Variants in FER observed in about 807,000 individuals in gnomAD.
FER encodes tyrosine-protein kinase Fer.
Under a neutral mutation model 111.0 loss-of-function variants are expected in FER, and 63 were observed. The observed-to-expected ratio is 0.57, with a 90% CI of 0.46 to 0.70. FER has a LOEUF of 0.70. Among genes scored for constraint, FER ranks in the 30% least tolerant of loss-of-function variants. The probability of loss-of-function intolerance (pLI) is 0.00; values close to 1 mark genes in which losing one functional copy is unlikely to be tolerated. For synonymous variants in FER, 327 were observed against 313.9 expected, an observed-to-expected ratio of 1.04 and a Z score of -0.44; for missense variants, 914 against 954.0, an observed-to-expected ratio of 0.96 and a Z score of 0.55.
intron 13 of FER, among the ~76,000 whole-genome samples, chr5:109,015,806 T>C (rs1301272023): frequency 2.0e-5 from 3 of 152,090 alleles, no homozygotes; most frequent in Non-Finnish European, 2.9e-5. Flanking sequence ...AATGAGTTGC[T>C]GTCATTCAGA....
At chr5:108,922,129 G>A (rs1263646509) in intron 10 of FER, among the ~76,000 whole-genome samples, 3 of 152,178 alleles carry the variant, frequency 2.0e-5, no homozygotes, top group Non-Finnish European at 4.4e-5. Flanking sequence ...GCTACCAGAA[G>A]CTATAGGAAG....
At chr5:109,106,231 T>A (rs1282114490) in intron 17 of FER, among the ~76,000 whole-genome samples, 2 of 152,214 alleles carry the variant, frequency 1.3e-5, no homozygotes, top group Middle Eastern at 3.2e-3. Flanking sequence ...CAGAAGAGGG[T>A]TCTGAAGGCT....
intron 16 of FER, among the ~76,000 whole-genome samples, chr5:109,088,757 A>G (rs996290456): frequency 7.2e-5 from 11 of 152,134 alleles, no homozygotes; most frequent in African/African-American, 2.7e-4. Context: ...TTTCTGGATT[A>G]CCTACTAGGT....
intron 10 of FER, among the ~76,000 whole-genome samples, chr5:108,898,661 T>A: frequency 6.8e-6 from 1 of 147,204 alleles, no homozygotes; most frequent in African/African-American, 2.5e-5. Context: ...TCTCTCTTCC[T>A]CTTTCTTTTC....
intron 13 of FER, among the ~76,000 whole-genome samples, chr5:108,989,079 A>G (rs192750149): frequency 5.9e-5 from 9 of 152,114 alleles, no homozygotes; most frequent in East Asian, 3.9e-4. Context: ...ACTTATTTGC[A>G]TGGTTTTGAG....
chr5:109,138,382 T>G (rs75596472), intron 17 of FER, among the ~76,000 whole-genome samples: 16,023 of 152,178 alleles, frequency 0.11, 856 homozygotes, highest in Non-Finnish European at 0.12. Flanking sequence ...AGATGAACAG[T>G]TTCTGGGAAT....
intron 17 of FER, among the ~76,000 whole-genome samples, chr5:109,122,586 A>T (rs6888080): frequency 6.6e-6 from 1 of 151,282 alleles, no homozygotes; most frequent in Non-Finnish European, 1.5e-5. Flanking sequence ...ATTAGGTCCA[A>T]TTGGTATATA....
intron 13 of FER, among the ~76,000 whole-genome samples, chr5:109,027,522 T>G (rs934587937): frequency 6.6e-6 from 1 of 152,198 alleles, no homozygotes; most frequent in African/African-American, 2.4e-5. Flanking sequence ...GAAGTGTTAA[T>G]TTAAGTCACA....
At chr5:109,165,593 G>GGTGTGTGTGTGTGTGT (rs66749153) in intron 17 of FER, among the ~76,000 whole-genome samples, 4 of 142,350 alleles carry the variant, frequency 2.8e-5, no homozygotes, top group Admixed American at 1.4e-4. Flanking sequence ...GGAGGGAACT[G>GGTGTGTGTGTGTGTGT]GTGTGTGTGT....
rs191096864 is a variant in FER at position 108,991,944 on chromosome 5, T to C, written c.1656+32597T>C. ...CGCAGAGGGGGATTTGGCAGGGTCA[T>C]AGGACAATAGTGGAGGGAAGGTCAA... On this transcript the variant is annotated intron_variant, in intron 13 of 19. Transcript: ENST00000281092. Among the ~76,000 whole-genome samples the C allele has an allele frequency of 2.7e-3, 417 of 152,052 alleles. 2 individuals carry two copies. Among genetic ancestry groups the C allele is most frequent in the African/African-American group, 9.6e-3 (400 of 41,456 alleles).
At chr5:108,922,346 G>C (rs1035886436) in intron 10 of FER, among the ~76,000 whole-genome samples, 1 of 152,134 alleles carries the variant, frequency 6.6e-6, no homozygotes, top group Non-Finnish European at 1.5e-5. Context: ...TGAAAGAGGA[G>C]GGTCTTCCTA....
intron 10 of FER, among the ~76,000 whole-genome samples, chr5:108,927,301 C>T (rs909243900): frequency 5.5e-4 from 66 of 120,916 alleles, no homozygotes; most frequent in African/African-American, 2.5e-3. Context: ...TCGCCCAGGC[C>T]GGACTGCGGA....
chr5:109,063,304 A>G (rs1399076626), intron 16 of FER, among the ~76,000 whole-genome samples: 1 of 152,228 alleles, frequency 6.6e-6, no homozygotes, highest in Non-Finnish European at 1.5e-5. Context: ...ACAGGATTTT[A>G]ACAGTCAGTT....
intron 3 of FER, among the ~76,000 whole-genome samples, chr5:108,814,715 G>A (rs1758103192): frequency 6.6e-6 from 1 of 152,062 alleles, no homozygotes; most frequent in Non-Finnish European, 1.5e-5. Context: ...CTAACTTTCT[G>A]GGCATGCAGC....
At chr5:109,008,875 C>T (rs1765843402) in intron 13 of FER, among the ~76,000 whole-genome samples, 1 of 151,994 alleles carries the variant, frequency 6.6e-6, no homozygotes, top group Non-Finnish European at 1.5e-5. Flanking sequence ...GAGGGTGAGG[C>T]AGGAGAATTG....
At chr5:108,920,862 C>T (rs534342317) in intron 10 of FER, among the ~76,000 whole-genome samples, 10 of 152,288 alleles carry the variant, frequency 6.6e-5, no homozygotes, top group African/African-American at 2.4e-4. Flanking sequence ...TTCTAATCCT[C>T]ACCATGAACT....
At chr5:108,867,746 T>G (rs1188645553) in intron 5 of FER, 21 bp from the exon 6 acceptor site, 31 of 1,588,110 alleles carry the variant, frequency 2.0e-5, no homozygotes, top group Non-Finnish European at 2.5e-5. Flanking sequence ...ACTAACTTTC[T>G]TCAGTTTTTT....
chr5:108,754,431 T>C (rs545710261), intron 1 of FER, among the ~76,000 whole-genome samples: 263 of 120,480 alleles, frequency 2.2e-3, no homozygotes, highest in African/African-American at 8.1e-3. Flanking sequence ...AAAAAAAAAA[T>C]AGTGTGTAAG....
At chr5:109,184,081 G>A (rs953410066) in intron 18 of FER, among the ~76,000 whole-genome samples, 1 of 152,122 alleles carries the variant, frequency 6.6e-6, no homozygotes, top group Admixed American at 6.6e-5. Flanking sequence ...GTCACCAAAG[G>A]TACTGTTTTT....
Sources: allele counts gnomAD v4.1 joint callset (sites outside exome capture counted in the v4.1 genomes callset), GRCh38; gene constraint gnomAD v4.1.1; transcripts MANE v1.5; gene names NCBI Gene and HGNC (gene_info 2026-07-23, HGNC 2026-07-21).